TBCE: variants seen among roughly 807,000 people sequenced by gnomAD.
The protein encoded by TBCE is tubulin folding cofactor E.
A neutral mutation model predicts 77.0 loss-of-function variants in TBCE; 53 were observed. The observed-to-expected ratio is 0.69, with a 90% CI of 0.55 to 0.87. The LOEUF is 0.87. Among genes scored for constraint, TBCE ranks in the 40% least tolerant of loss-of-function variants. The pLI is 0.00. For synonymous variants in TBCE, 235 were observed against 241.3 expected (o/e 0.97, Z 0.24); for missense variants, 624 against 622.4 (o/e 1.00, Z -0.03).
intron 1 of TBCE, among the ~76,000 whole-genome samples, chr1:235,368,800 A>G (rs1470026473): frequency 6.6e-6 from 1 of 151,712 alleles, no homozygotes; most frequent in Non-Finnish European, 1.5e-5. Flanking sequence ...GCCTGACTTC[A>G]GGTGATCCAC....
intron 2 of TBCE, among the ~76,000 whole-genome samples, chr1:235,382,382 A>C (rs560484798): frequency 6.2e-4 from 94 of 152,344 alleles, no homozygotes; most frequent in African/African-American, 2.1e-3. Context: ...TCCCCAAGGA[A>C]TCGCCACACT....
intron 2 of TBCE, among the ~76,000 whole-genome samples, chr1:235,387,937 C>G (rs1345891830): frequency 6.6e-6 from 1 of 152,150 alleles, no homozygotes; most frequent in Non-Finnish European, 1.5e-5. Context: ...TTCTGATGCA[C>G]AATAAGGTTT....
intron 12 of TBCE, among the ~76,000 whole-genome samples, chr1:235,438,324 G>A (rs1421679667): frequency 2.0e-5 from 3 of 152,204 alleles, no homozygotes; most frequent in Non-Finnish European, 4.4e-5. Flanking sequence ...GAGGTTGGCA[G>A]ATCATGAGGT....
At chr1:235,388,425 A>G (rs747529121) in intron 2 of TBCE, among the ~76,000 whole-genome samples, 2 of 151,010 alleles carry the variant, frequency 1.3e-5, no homozygotes, top group African/African-American at 4.9e-5. Flanking sequence ...AGTAGCTGGG[A>G]TTACGGGGAC....
intron 2 of TBCE, among the ~76,000 whole-genome samples, chr1:235,380,562 CT>C (rs940020554): frequency 6.3e-4 from 95 of 149,792 alleles, no homozygotes; most frequent in African/African-American, 2.1e-3. Flanking sequence ...TTTTTGTTAC[CT>C]TTTTTTTAAA....
At position 235,435,572 on chromosome 1, in the gene TBCE, G is replaced by A. The variant is rs74151508; in HGVS notation, c.738-173G>A. On this transcript the variant is annotated intron_variant, in intron 8 of 16. Coordinates refer to ENST00000642610, the MANE Select transcript of TBCE (RefSeq NM_003193.5). ...ACAGGCTAGGTGTGACACTGATACC[G>A]GCAGGAATATGTGCATCACCACAGG... Among the ~76,000 whole-genome samples, 3,358 of 152,148 alleles carry A rather than the reference G, an allele frequency of 0.022. 138 individuals carry two copies. The highest frequency in any genetic ancestry group is 0.076 in the African/African-American group (3,166 of 41,490).
At position 235,372,194 on chromosome 1, in the gene TBCE, A is replaced by G. The variant is rs77805606; in HGVS notation, c.-32+4690A>G. On this transcript the variant is annotated intron_variant, in intron 1 of 16. Coordinates refer to ENST00000642610, the MANE Select transcript of TBCE (RefSeq NM_003193.5). The stretch of plus-strand genomic sequence containing the variant: ...ATTTTGCTGTGCATATTTAGCTGGG[A>G]TTACAGACGCACTCCACCTCGCCAG... 9.3e-3 allele frequency among the ~76,000 whole-genome samples: 1,422 copies of G among 152,118 alleles called. 7 individuals are homozygous for G. Among genetic ancestry groups the G allele is most frequent in the Non-Finnish European group, 0.014 (957 of 67,998 alleles).
intron 15 of TBCE, among the ~76,000 whole-genome samples, chr1:235,443,195 TACAC>T (rs61396968): frequency 6.7e-6 from 1 of 149,522 alleles, no homozygotes; most frequent in African/African-American, 2.5e-5. Context: ...CATATATATA[TACAC>T]ACACACACAC....
At chr1:235,408,314 C>T (rs1009644907) in intron 3 of TBCE, among the ~76,000 whole-genome samples, 3 of 152,098 alleles carry the variant, frequency 2.0e-5, no homozygotes, top group Admixed American at 6.6e-5. Context: ...AAAGAAAGCC[C>T]TTGATTTATT....
At chr1:235,372,037 A>C (rs1231923922) in intron 1 of TBCE, among the ~76,000 whole-genome samples, 1 of 151,834 alleles carries the variant, frequency 6.6e-6, no homozygotes, top group East Asian at 1.9e-4. Flanking sequence ...GCTGGAGTAC[A>C]GTGGTGTGAT....
At chr1:235,391,600 C>CTTTTTTTTTTTT (rs58265980) in intron 2 of TBCE, among the ~76,000 whole-genome samples, 1 of 85,398 alleles carries the variant, frequency 1.2e-5, no homozygotes, top group Non-Finnish European at 2.1e-5. Flanking sequence ...GCTTCATTTC[C>CTTTTTTTTTTTT]TTTTTTTTTT....
chr1:235,383,553 T>C (rs968353313), intron 2 of TBCE, among the ~76,000 whole-genome samples: 8 of 152,282 alleles, frequency 5.3e-5, no homozygotes, highest in African/African-American at 1.7e-4. Context: ...GTTGGATTCC[T>C]AGGTATTTTA....
intron 2 of TBCE, among the ~76,000 whole-genome samples, chr1:235,383,643 T>C (rs1677821319): frequency 6.6e-6 from 1 of 152,190 alleles, no homozygotes; most frequent in Admixed American, 6.5e-5. Context: ...ATAAGAATGC[T>C]TGTGATTTTT....
chr1:235,437,078 G>A (rs146782616), intron 11 of TBCE, among the ~76,000 whole-genome samples: 19 of 152,238 alleles, frequency 1.2e-4, no homozygotes, highest in Non-Finnish European at 2.6e-4. Context: ...GTGATGAGCC[G>A]AGATCGCGCC....
rs897193338 is a variant in TBCE, at chr1:235,435,973, T to C, written c.833+133T>C. 1.1e-5 allele frequency: 9 copies of C among 845,068 alleles called. No individual in the cohort carries two copies. In the African/African-American group the frequency reaches 1.5e-4, roughly 14 times the overall value. The allele number at this position is 845,068 out of a possible 1,614,324, so 52.3% of individuals were successfully genotyped here. On this transcript the variant is annotated intron_variant, in intron 9 of 16. Coordinates refer to ENST00000642610, the MANE Select transcript of TBCE (RefSeq NM_003193.5). The stretch of plus-strand genomic sequence containing the variant: ...GAATTTCTAAATTGAGTAATTCCCT[T>C]TGGGAAATTTTCATTTGAATTCATT...
At chr1:235,447,811 G>A (rs868821534) in intron 15 of TBCE, among the ~76,000 whole-genome samples, 1 of 152,074 alleles carries the variant, frequency 6.6e-6, no homozygotes, top group Non-Finnish European at 1.5e-5. Flanking sequence ...ACTGTCAAAG[G>A]GCACTTAGGT....
rs1383670856 is a variant in TBCE at position 235,435,102 on chromosome 1, G to GT, written c.738-639dup. Among the ~76,000 whole-genome samples the GT allele has an allele frequency of 1.7e-4, 25 of 145,302 alleles. No homozygotes were observed. In the East Asian group the frequency reaches 4.3e-3, roughly 25 times the overall value. On this transcript the variant is annotated intron_variant, in intron 8 of 16. Transcript: ENST00000642610. Reference sequence around the variant, plus strand: ...TTATGTAGGCAAATGCAGGTTTTTTGTTTTGTTTTTTTTTTGAGATAGAGT... The same window carrying GT: ...TTATGTAGGCAAATGCAGGTTTTTTGTTTTTGTTTTTTTTTTGAGATAGAGT...
chr1:235,405,464 C>T (rs966196909), intron 3 of TBCE, among the ~76,000 whole-genome samples: 7 of 151,590 alleles, frequency 4.6e-5, no homozygotes, highest in East Asian at 2.0e-4. Flanking sequence ...GGTTAAACCC[C>T]GTCTCTACTA....
chr1:235,380,734 AAAT>A (rs1383501023), intron 2 of TBCE, among the ~76,000 whole-genome samples: 173 of 152,204 alleles, frequency 1.1e-3, no homozygotes, highest in African/African-American at 4.0e-3. Context: ...TTTTTAGAGT[AAAT>A]AATAATGTAG....
Sources: gnomAD v4.1 joint callset for allele counts (sites outside exome capture counted in the v4.1 genomes callset) on GRCh38, gnomAD v4.1.1 for gene constraint, MANE v1.5 for transcripts, NCBI Gene and HGNC (gene_info 2026-07-23, HGNC 2026-07-21) for gene names.